The following SPRR2G variants were observed in gnomAD, a reference collection of about 807,000 sequenced individuals.
SPRR2G encodes the protein small proline rich protein 2G, also known as small proline-rich protein 2G.
Under a neutral mutation model 0.7 loss-of-function variants are expected in SPRR2G, and 1 was observed. The observed-to-expected ratio is 1.49, with a 90% CI of 0.53 to 7.06. SPRR2G has a LOEUF of 7.06. Ranked by LOEUF, SPRR2G falls within the 30% of genes most tolerant of loss-of-function variation. SPRR2G has a pLI of 0.14. For missense variants in SPRR2G, 96 were observed against 88.5 expected (o/e 1.09, Z -0.34); for synonymous variants, 38 against 33.9 (o/e 1.12, Z -0.42).
Position 153,150,052 on chromosome 1 carries a change from G to T in SPRR2G, c.59C>A (p.Thr20Lys). 2 of 1,613,296 alleles carry T rather than the reference G, an allele frequency of 1.2e-6. No homozygotes were observed. Among genetic ancestry groups the T allele is most frequent in the Admixed American group, 1.7e-5 (1 of 60,006 alleles). Residue 20 changes from threonine to lysine, a missense_variant, in exon 2 of 2, where the codon ACG becomes AAG. By Grantham distance (78) the Thr-to-Lys change is moderately conservative. Coordinates refer to ENST00000368748, the MANE Select transcript of SPRR2G (RefSeq NM_001014291.4). ...QPCQPPPVCP[T>K]PKCPEPCPPP... ...TGGACATGGCTCTGGGCACTTTGGC[G>T]TGGGGCACACAGGAGGTGGCTGGCA...
At chr1:153,194,912 T>C in the SPRR2G span, among the ~76,000 whole-genome samples, 1 of 152,204 alleles carries the variant, frequency 6.6e-6, no homozygotes, top group South Asian at 2.1e-4. Context: ...GGATGGAGAA[T>C]TAGGGAGAGG....
chr1:153,186,805 A>G, the SPRR2G span, among the ~76,000 whole-genome samples: 1 of 152,102 alleles, frequency 6.6e-6, no homozygotes, highest in Non-Finnish European at 1.5e-5. Context: ...GTTGGTCTTT[A>G]TATTTTGGTA....
the SPRR2G span, among the ~76,000 whole-genome samples, chr1:153,198,320 C>G: frequency 6.6e-6 from 1 of 152,186 alleles, no homozygotes; most frequent in South Asian, 2.1e-4. Flanking sequence ...GAGCCTTGGG[C>G]CTCATCTTAA....
chr1:153,160,280 A>G, the SPRR2G span, among the ~76,000 whole-genome samples: 71,470 of 151,790 alleles, frequency 0.47, 17,835 homozygotes, highest in Non-Finnish European at 0.57. Flanking sequence ...TTGTATATAT[A>G]TGCCACAATT....
At chr1:153,192,079 G>A in the SPRR2G span, among the ~76,000 whole-genome samples, 1 of 152,154 alleles carries the variant, frequency 6.6e-6, no homozygotes, top group African/African-American at 2.4e-5. Context: ...TGCAGCAGTG[G>A]GGACACACAT....
At chr1:153,172,529 G>C in the SPRR2G span, among the ~76,000 whole-genome samples, 1 of 151,908 alleles carries the variant, frequency 6.6e-6, no homozygotes, top group Non-Finnish European at 1.5e-5. Flanking sequence ...GTGGGAAAGG[G>C]CTTCTGTGTC....
chr1:153,201,011 A>T, the SPRR2G span, among the ~76,000 whole-genome samples: 1 of 152,166 alleles, frequency 6.6e-6, no homozygotes, highest in African/African-American at 2.4e-5. Flanking sequence ...TAGCAAAAGC[A>T]GGATTTAAAC....
chr1:153,171,887 A>G, the SPRR2G span, among the ~76,000 whole-genome samples: 26 of 152,232 alleles, frequency 1.7e-4, no homozygotes, highest in African/African-American at 6.0e-4. Flanking sequence ...GCTCTGCCCA[A>G]TGCTTCTGCC....
the SPRR2G span, among the ~76,000 whole-genome samples, chr1:153,195,818 A>T: frequency 6.6e-6 from 1 of 151,746 alleles, no homozygotes; most frequent in African/African-American, 2.4e-5. Flanking sequence ...CTCATCACAC[A>T]CACCTCCTTC....
the SPRR2G span, among the ~76,000 whole-genome samples, chr1:153,156,262 C>T: frequency 6.6e-6 from 1 of 152,154 alleles, no homozygotes; most frequent in Non-Finnish European, 1.5e-5. Context: ...GACATCTCAT[C>T]TTTCCACTAC....
the SPRR2G span, among the ~76,000 whole-genome samples, chr1:153,163,485 A>G: frequency 6.6e-6 from 1 of 152,160 alleles, no homozygotes; most frequent in Non-Finnish European, 1.5e-5. Flanking sequence ...TGGGGCTCCT[A>G]TATTTGGGGA....
At chr1:153,157,044 T>C in the SPRR2G span, among the ~76,000 whole-genome samples, 2 of 152,210 alleles carry the variant, frequency 1.3e-5, no homozygotes, top group Non-Finnish European at 2.9e-5. Flanking sequence ...TTACTGCCAC[T>C]GCCCAGCATC....
chr1:153,189,994 G>A, the SPRR2G span: 3 of 152,096 alleles, frequency 2.0e-5, no homozygotes, highest in African/African-American at 4.8e-5. Context: ...TGATGAGAGA[G>A]GGTGTTTCTC....
At chr1:153,154,189 A>G (rs1434637690), upstream of SPRR2G, among the ~76,000 whole-genome samples, 5 of 151,620 alleles carry the variant, frequency 3.3e-5, no homozygotes, top group Middle Eastern at 3.4e-3. Context: ...TGAACCATCC[A>G]TCCTTGCATC....
chr1:153,183,352 G>T, the SPRR2G span, among the ~76,000 whole-genome samples: 10 of 151,850 alleles, frequency 6.6e-5, no homozygotes, highest in Non-Finnish European at 1.3e-4. Flanking sequence ...CTCCCAAAGT[G>T]CTGGGATTAC....
At chr1:153,171,760 C>G in the SPRR2G span, among the ~76,000 whole-genome samples, 1 of 152,146 alleles carries the variant, frequency 6.6e-6, no homozygotes, top group East Asian at 1.9e-4. Context: ...TTTTTTTGCC[C>G]AGGTATGGTT....
At chr1:153,194,280 A>G in the SPRR2G span, among the ~76,000 whole-genome samples, 1 of 152,234 alleles carries the variant, frequency 6.6e-6, no homozygotes. Context: ...CTGCATAACT[A>G]TTAATAGAAT....
the SPRR2G span, among the ~76,000 whole-genome samples, chr1:153,175,315 A>G: frequency 1.3e-5 from 2 of 152,154 alleles, no homozygotes; most frequent in South Asian, 4.1e-4. Flanking sequence ...CCTTCCTTCA[A>G]TGGCTTCCTG....
At chr1:153,150,909 A>G (rs1380486506), upstream of SPRR2G, 1 of 152,354 alleles carries the variant, frequency 6.6e-6, no homozygotes, top group Non-Finnish European at 1.5e-5. Flanking sequence ...TGTGGTGGAG[A>G]GTCCTTTTAT....
Sources: gnomAD v4.1 joint callset for allele counts (sites outside exome capture counted in the v4.1 genomes callset) on GRCh38, gnomAD v4.1.1 for gene constraint, MANE v1.5 for transcripts, NCBI Gene and HGNC (gene_info 2026-07-23, HGNC 2026-07-21) for gene names.